Variants in TUSC3 observed in about 807,000 individuals in gnomAD.
The protein encoded by TUSC3 is dolichyl-diphosphooligosaccharide--protein glycosyltransferase subunit TUSC3.
Under a neutral mutation model 44.8 loss-of-function variants are expected in TUSC3, and 45 were observed. That is an observed-to-expected ratio of 1.00 (90% CI 0.79 to 1.29). The LOEUF (loss-of-function observed/expected upper bound fraction) is 1.29. Among genes scored for constraint, TUSC3 ranks in the 50% most tolerant of loss-of-function variants. TUSC3 has a pLI of 0.00. For missense variants in TUSC3, 519 were observed against 437.9 expected (o/e 1.19, Z -1.65); for synonymous variants, 212 against 152.9 (o/e 1.39, Z -2.85).
the TUSC3 span, among the ~76,000 whole-genome samples, chr8:15,786,941 CAAAA>C: frequency 7.9e-5 from 5 of 63,372 alleles, no homozygotes; most frequent in Admixed American, 2.3e-4. Flanking sequence ...GAGACTCCAT[CAAAA>C]AAAAAAAAAA....
rs3070914 is a variant in TUSC3, at chr8:15,661,802, C to CTA, written c.568-339_568-338dup. Among the ~76,000 whole-genome samples, 304 of 150,090 alleles carry CTA rather than the reference C, an allele frequency of 2.0e-3. 2 individuals carry two copies. Among genetic ancestry groups the CTA allele is most frequent in the Middle Eastern group, 7.0e-3 (2 of 284 alleles). ...TATAAGATACTTACAGCTAGTTTGT[C>CTA]TATATATATATATATACATGAGTCT... On this transcript the variant is annotated intron_variant, in intron 4 of 10. Transcript: ENST00000503731.
downstream of TUSC3, among the ~76,000 whole-genome samples, chr8:15,771,398 C>T (rs150679969): frequency 7.8e-4 from 118 of 152,190 alleles, no homozygotes; most frequent in African/African-American, 2.7e-3. Context: ...GAAAAAGAAC[C>T]AAGTTGAAGA....
chr8:15,426,051 A>C (rs891033785), intron 1 of TUSC3, among the ~76,000 whole-genome samples: 2 of 152,220 alleles, frequency 1.3e-5, no homozygotes, highest in African/African-American at 4.8e-5. Context: ...AGATCAAATA[A>C]AATAGTAAAA....
intron 3 of TUSC3, among the ~76,000 whole-genome samples, chr8:15,654,014 G>A (rs540951677): frequency 6.6e-6 from 1 of 152,242 alleles, no homozygotes; most frequent in Admixed American, 6.5e-5. Flanking sequence ...TGAATATGGT[G>A]TGTTAGAAGG....
At chr8:15,687,979 G>C (rs982569354) in intron 6 of TUSC3, among the ~76,000 whole-genome samples, 5 of 152,120 alleles carry the variant, frequency 3.3e-5, no homozygotes, top group Admixed American at 3.3e-4. Context: ...TATTCTCTGA[G>C]TATCAAGAAG....
At position 15,503,600 on chromosome 8, in the gene TUSC3, A is replaced by C. The variant is rs114487881; in HGVS notation, n.189+20117A>C. On this transcript the variant is annotated intron_variant and non_coding_transcript_variant, in intron 2 of 5. Transcript: ENST00000503191. ...ACACCTGTAGCCCCAGCTACTCACAAGGCTAAGAAGGGGGGATTGCTTGAG... is the reference window on the plus strand; with the variant it reads ...ACACCTGTAGCCCCAGCTACTCACACGGCTAAGAAGGGGGGATTGCTTGAG... 7.7e-3 allele frequency among the ~76,000 whole-genome samples: 1,173 copies of C among 152,224 alleles called. 12 individuals carry two copies. Among genetic ancestry groups the C allele is most frequent in the African/African-American group, 0.027 (1,120 of 41,542 alleles).
chr8:15,738,827 C>CTTTT (rs375655033), intron 7 of TUSC3, among the ~76,000 whole-genome samples: 418 of 87,052 alleles, frequency 4.8e-3, no homozygotes, highest in Middle Eastern at 0.022. Flanking sequence ...ATATATCTTG[C>CTTTT]TTTTTTTTTT....
the TUSC3 span, among the ~76,000 whole-genome samples, chr8:15,839,185 T>C: frequency 1.3e-5 from 2 of 152,326 alleles, no homozygotes; most frequent in East Asian, 1.9e-4. Context: ...ATAGGAATGC[T>C]TGTGATTTTT....
At chr8:15,534,407 G>T (rs748322570) in intron 2 of TUSC3, among the ~76,000 whole-genome samples, 1 of 152,076 alleles carries the variant, frequency 6.6e-6, no homozygotes, top group Non-Finnish European at 1.5e-5. Flanking sequence ...ACTTTGGGAG[G>T]CCGAGGCGGG....
intron 2 of TUSC3, among the ~76,000 whole-genome samples, chr8:15,648,135 A>C (rs1406119682): frequency 6.6e-6 from 1 of 152,126 alleles, no homozygotes; most frequent in African/African-American, 2.4e-5. Flanking sequence ...ACTGGACTCT[A>C]GGTCCTTCTC....
intron 6 of TUSC3, among the ~76,000 whole-genome samples, chr8:15,705,617 G>A (rs1483231472): frequency 1.3e-5 from 2 of 151,972 alleles, no homozygotes; most frequent in Non-Finnish European, 2.9e-5. Flanking sequence ...TTCTCAGAAG[G>A]CTGAATTCCA....
At chr8:15,633,254 G>C (rs1252033287) in intron 2 of TUSC3, among the ~76,000 whole-genome samples, 2 of 152,128 alleles carry the variant, frequency 1.3e-5, no homozygotes, top group Non-Finnish European at 2.9e-5. Flanking sequence ...AGCAGGATCT[G>C]TCTTGGTCCA....
chr8:15,705,223 G>A (rs978698432), intron 6 of TUSC3, among the ~76,000 whole-genome samples: 21 of 151,638 alleles, frequency 1.4e-4, no homozygotes, highest in African/African-American at 5.1e-4. Context: ...GATGATGAAA[G>A]GAAGCACTGC....
intron 1 of TUSC3, among the ~76,000 whole-genome samples, chr8:15,565,236 A>G (rs1185549658): frequency 2.0e-5 from 3 of 150,868 alleles, no homozygotes; most frequent in Non-Finnish European, 4.4e-5. Context: ...ACTTGGCATC[A>G]TTCCAGTCTC....
chr8:15,497,992 G>T (rs138959290), intron 2 of TUSC3, among the ~76,000 whole-genome samples: 2 of 151,920 alleles, frequency 1.3e-5, no homozygotes, highest in East Asian at 3.9e-4. Flanking sequence ...AAAATGATCC[G>T]CCCCCCTTCG....
intron 10 of TUSC3, chr8:15,758,377 TTA>T (rs1197405556): frequency 5.4e-5 from 18 of 333,686 alleles, no homozygotes; most frequent in Non-Finnish European, 6.8e-5. Context: ...ACTGTCAATT[TTA>T]TATATATATA....
intron 2 of TUSC3, among the ~76,000 whole-genome samples, chr8:15,493,435 G>A (rs920272174): frequency 2.6e-5 from 4 of 151,936 alleles, no homozygotes; most frequent in Non-Finnish European, 4.4e-5. Context: ...GCTACTTTTT[G>A]TATTTTTTGC....
chr8:15,533,940 G>C lies in TUSC3; in HGVS notation n.189+50457G>C, dbSNP rs1290977140. ...AAGTTTCTGGTTGGAGGTGTCATTT[G>C]TGGTTTATGGTGATGGCTGACATTA... On this transcript the variant is annotated intron_variant and non_coding_transcript_variant, in intron 2 of 5. Transcript: ENST00000503191. Among the ~76,000 whole-genome samples, 3 of 152,140 alleles carry C rather than the reference G, an allele frequency of 2.0e-5. No homozygotes were observed. The East Asian group carries it at 5.8e-4, about 29-fold the overall frequency.
intron 4 of TUSC3, among the ~76,000 whole-genome samples, chr8:15,661,398 G>T: frequency 6.6e-6 from 1 of 151,910 alleles, no homozygotes; most frequent in Non-Finnish European, 1.5e-5. Flanking sequence ...TTGACACTTT[G>T]AAGAATATAG....
Sources: gnomAD v4.1 joint callset for allele counts (sites outside exome capture counted in the v4.1 genomes callset) on GRCh38, gnomAD v4.1.1 for gene constraint, MANE v1.5 for transcripts, NCBI Gene and HGNC (gene_info 2026-07-23, HGNC 2026-07-21) for gene names.